Variants in OPRM1 observed in about 807,000 individuals in gnomAD.
OPRM1 encodes the protein opioid receptor mu 1.
OPRM1 carries 27 observed loss-of-function variants against 31.8 expected under a neutral mutation model. The ratio of observed to expected loss-of-function variants is 0.85; its 90% CI spans 0.63 to 1.17. OPRM1 has a LOEUF of 1.17. Ranked by LOEUF, OPRM1 falls within the 50% of genes most tolerant of loss-of-function variation. OPRM1 has a pLI of 0.00. For missense variants in OPRM1, 536 were observed against 511.1 expected (o/e 1.05, Z -0.47); for synonymous variants, 196 against 189.9 (o/e 1.03, Z -0.26).
At chr6:154,110,561 C>T (rs1478447318) in intron 3 of OPRM1, 30 of 602,972 alleles carry the variant, frequency 5.0e-5, no homozygotes, top group Non-Finnish European at 8.7e-5. Context: ...CCTTCACAAG[C>T]AGGAGTTTCC....
At chr6:154,043,665 T>G (rs1780530676) in intron 1 of OPRM1, among the ~76,000 whole-genome samples, 1 of 152,034 alleles carries the variant, frequency 6.6e-6, no homozygotes, top group African/African-American at 2.4e-5. Flanking sequence ...ACTCAAATAT[T>G]AATAAAATTC....
intron 1 of OPRM1, among the ~76,000 whole-genome samples, chr6:154,047,392 C>T (rs1459555556): frequency 3.9e-5 from 6 of 152,030 alleles, no homozygotes; most frequent in Non-Finnish European, 5.9e-5. Flanking sequence ...GGGTTAGGAA[C>T]GCATAACCTA....
chr6:154,203,654 C>T (rs1777252514), intron 3 of OPRM1, among the ~76,000 whole-genome samples: 1 of 152,088 alleles, frequency 6.6e-6, no homozygotes, highest in South Asian at 2.1e-4. Context: ...GAACTAAACC[C>T]CCACAGATAC....
intron 3 of OPRM1, among the ~76,000 whole-genome samples, chr6:154,201,245 C>A (rs994049022): frequency 2.6e-5 from 4 of 152,090 alleles, no homozygotes; most frequent in Non-Finnish European, 4.4e-5. Flanking sequence ...TTAATATAAC[C>A]AACAATTCTT....
At chr6:154,082,417 G>A (rs370162613) in intron 1 of OPRM1, among the ~76,000 whole-genome samples, 9 of 151,876 alleles carry the variant, frequency 5.9e-5, no homozygotes, top group East Asian at 5.8e-4. Flanking sequence ...TGTACTAAGC[G>A]CAGTAAAAAA....
chr6:154,216,317 G>C (rs529918943), intron 3 of OPRM1, among the ~76,000 whole-genome samples: 1 of 152,192 alleles, frequency 6.6e-6, no homozygotes, highest in East Asian at 1.9e-4. Context: ...GGGGTGGGGG[G>C]TGGTTGTAAT....
At chr6:154,158,820 T>G (rs962706307) in intron 3 of OPRM1, 1 of 152,210 alleles carries the variant, frequency 6.6e-6, no homozygotes, top group Non-Finnish European at 1.5e-5. Flanking sequence ...ATAACAAACA[T>G]AGCTATTCAC....
intron 1 of OPRM1, among the ~76,000 whole-genome samples, chr6:154,014,874 C>T (rs1212075670): frequency 3.3e-5 from 5 of 152,058 alleles, no homozygotes; most frequent in Non-Finnish European, 7.4e-5. Context: ...AAAGCAATAT[C>T]CTATATGCAC....
intron 3 of OPRM1, among the ~76,000 whole-genome samples, chr6:154,164,633 T>C (rs543740710): frequency 1.3e-5 from 2 of 152,310 alleles, no homozygotes; most frequent in Admixed American, 6.5e-5. Flanking sequence ...TTTCAGTTTT[T>C]ACTCCAAATA....
Position 154,090,161 on chromosome 6 carries a change from C to T in OPRM1, c.626C>T (p.Thr209Ile). 1 of 1,611,296 alleles carries T rather than the reference C, an allele frequency of 6.2e-7. No individual in the cohort carries two copies. Among genetic ancestry groups the T allele is most frequent in the Non-Finnish European group, 8.5e-7 (1 of 1,178,066 alleles). Residue 209 changes from threonine to isoleucine, a missense_variant, in exon 2 of 4, where the codon ACA becomes ATA. By Grantham distance (89) the Thr-to-Ile change is moderately conservative. Coordinates refer to ENST00000330432, the MANE Select transcript of OPRM1 (RefSeq NM_000914.5). ...AIGLPVMFMA[T>I]TKYRQGSIDC... ...GGTCTTCCTGTAATGTTCATGGCTACAACAAAATACAGGCAAGGTGAGTGA... is the reference window on the plus strand; with the variant it reads ...GGTCTTCCTGTAATGTTCATGGCTATAACAAAATACAGGCAAGGTGAGTGA...
intron 3 of OPRM1, among the ~76,000 whole-genome samples, chr6:154,165,264 C>T (rs531199715): frequency 3.8e-4 from 58 of 152,284 alleles, no homozygotes; most frequent in South Asian, 1.2e-3. Context: ...GCACCCAGCA[C>T]TCAGAAGCTC....
intron 3 of OPRM1, among the ~76,000 whole-genome samples, chr6:154,197,670 A>G (rs1776722646): frequency 6.6e-6 from 1 of 152,206 alleles, no homozygotes; most frequent in South Asian, 2.1e-4. Flanking sequence ...CAATCCTGGA[A>G]TGGCATTTAG....
chr6:154,111,955 C>A (rs1034045318), intron 3 of OPRM1, among the ~76,000 whole-genome samples: 1 of 151,930 alleles, frequency 6.6e-6, no homozygotes, highest in African/African-American at 2.4e-5. Flanking sequence ...TTAGTAGAAA[C>A]GGGGTTTCAC....
intron 1 of OPRM1, among the ~76,000 whole-genome samples, chr6:154,054,233 G>T (rs906470138): frequency 3.5e-4 from 53 of 152,048 alleles, no homozygotes; most frequent in African/African-American, 1.1e-3. Context: ...GCCGGGCATG[G>T]CGGCATGCAC....
At chr6:154,199,140 T>G (rs1369654067) in intron 3 of OPRM1, among the ~76,000 whole-genome samples, 1 of 152,250 alleles carries the variant, frequency 6.6e-6, no homozygotes, top group Admixed American at 6.5e-5. Context: ...CTCCTTTATA[T>G]GTAAAGGTTC....
At chr6:154,010,757 A>G in exon 1 of OPRM1, 2 of 1,421,548 alleles carry the variant, frequency 1.4e-6, no homozygotes, top group East Asian at 2.5e-5. Flanking sequence ...CCTTTCTCCT[A>G]CAAACAAGAG....
intron 3 of OPRM1, among the ~76,000 whole-genome samples, chr6:154,142,627 T>C (rs1250646247): frequency 6.6e-6 from 1 of 152,186 alleles, no homozygotes; most frequent in Non-Finnish European, 1.5e-5. Context: ...GTCCTTCAAG[T>C]CACCCACCTG....
chr6:154,193,042 CA>C (rs770227416), intron 3 of OPRM1, among the ~76,000 whole-genome samples: 4 of 152,140 alleles, frequency 2.6e-5, no homozygotes, highest in Non-Finnish European at 5.9e-5. Context: ...GAAAAGAAGT[CA>C]TTATACGAAG....
At chr6:154,212,635 C>T (rs1778057487) in intron 3 of OPRM1, 2 of 622,146 alleles carry the variant, frequency 3.2e-6, no homozygotes, top group South Asian at 2.1e-5. Flanking sequence ...CTGAAAATTG[C>T]ACTTGCTCGT....
Sources: allele counts gnomAD v4.1 joint callset (sites outside exome capture counted in the v4.1 genomes callset), GRCh38; gene constraint gnomAD v4.1.1; transcripts MANE v1.5; gene names NCBI Gene and HGNC (gene_info 2026-07-23, HGNC 2026-07-21).